The following ZFTA variants were observed in gnomAD, a reference collection of about 807,000 sequenced individuals.
The protein encoded by ZFTA is zinc finger translocation-associated protein.
Under a neutral mutation model 41.8 loss-of-function variants are expected in ZFTA, and 35 were observed. The ratio of observed to expected loss-of-function variants is 0.84; its 90% CI spans 0.64 to 1.11. The LOEUF is 1.11. Among genes scored for constraint, ZFTA ranks in the 50% most tolerant of loss-of-function variants. The pLI, the probability that ZFTA is intolerant of heterozygous loss-of-function variation, is 0.00. For missense variants in ZFTA, 964 were observed against 989.8 expected, an observed-to-expected ratio of 0.97 and a Z score of 0.35; for synonymous variants, 514 against 436.4, an observed-to-expected ratio of 1.18 and a Z score of -2.22.
chr11:63,760,972 A>T lies in ZFTA; in HGVS notation c.*2446T>A, dbSNP rs1031853508. ...TCTCTCTGCCTACGGAGGGGGGGGAATCTAACCCCTCTGCCCTGGCTTATC... is the reference window on the plus strand; with the variant it reads ...TCTCTCTGCCTACGGAGGGGGGGGATTCTAACCCCTCTGCCCTGGCTTATC... On this transcript the variant is annotated 3_prime_UTR_variant, in exon 5 of 5. Coordinates refer to ENST00000433688, the MANE Select transcript of ZFTA (RefSeq NM_001144936.2). 1 of 152,136 alleles carries T rather than the reference A, an allele frequency of 6.6e-6. No homozygotes were observed. Among genetic ancestry groups the T allele is most frequent in the Non-Finnish European group, 1.5e-5 (1 of 68,042 alleles). The allele number at this position is 152,136 out of a possible 1,614,324, so 9.4% of individuals were successfully genotyped here.
At chr11:63,767,673 G>C (rs528670841) in intron 1 of ZFTA, 1 of 152,212 alleles carries the variant, frequency 6.6e-6, no homozygotes, top group Non-Finnish European at 1.5e-5. Context: ...CTGGAGATTC[G>C]GGCAGAGTCT....
In ZFTA at chr11:63,760,548, A is replaced by G. The variant is rs896583971; in HGVS notation, c.*2870T>C. ...TATTGGCCATAATAGCAAGCATACC[A>G]TTAACAACAACAACAAAAAAAATCA... On this transcript the variant is annotated 3_prime_UTR_variant, in exon 5 of 5. Coordinates refer to ENST00000433688, the MANE Select transcript of ZFTA (RefSeq NM_001144936.2). 6.6e-6 allele frequency: 1 copy of G among 152,242 alleles called. No homozygotes were observed. Among genetic ancestry groups the G allele is most frequent in the African/African-American group, 2.4e-5 (1 of 41,448 alleles). 9.4% of individuals were successfully genotyped at this position (152,242 alleles called of 1,614,324 possible).
chr11:63,766,774 C>A (rs890470806), intron 1 of ZFTA, among the ~76,000 whole-genome samples: 2 of 152,188 alleles, frequency 1.3e-5, no homozygotes, highest in Non-Finnish European at 2.9e-5. Context: ...AGGGCCCCAC[C>A]CACAGGTCTT....
intron 1 of ZFTA, among the ~76,000 whole-genome samples, chr11:63,767,153 AT>A (rs2014758577): frequency 6.6e-6 from 1 of 152,112 alleles, no homozygotes; most frequent in African/African-American, 2.4e-5. Context: ...CACTAACCCA[AT>A]GGTGTTCCCT....
In ZFTA at chr11:63,768,646, C is replaced by CCGGGGCGGCGGGGCG. The variant is rs2014787909; in HGVS notation, c.-39_-25dup. Reference sequence around the variant, plus strand: ...ATGCGCTGCGCTGCGGAGCGGGGCCCCGGGGCGGCGGGGCGCGGGGCCGCG... The same window carrying CCGGGGCGGCGGGGCG: ...ATGCGCTGCGCTGCGGAGCGGGGCCCCGGGGCGGCGGGGCGCGGGGCGGCGGGGCGCGGGGCCGCG... On this transcript the variant is annotated 5_prime_UTR_variant, in exon 1 of 5. Transcript: ENST00000433688. 1 of 977,840 alleles carries CCGGGGCGGCGGGGCG rather than the reference C, an allele frequency of 1.0e-6. No homozygotes were observed. The highest frequency in any genetic ancestry group is 1.8e-5 in the African/African-American group (1 of 56,236). The allele number at this position is 977,840 out of a possible 1,614,324, so 60.6% of individuals were successfully genotyped here.
rs1053476067 is a variant in ZFTA at position 63,762,726 on chromosome 11, C to A, written c.*692G>T. The A allele has an allele frequency of 6.6e-6, 1 of 152,326 alleles. No homozygotes were observed. Among genetic ancestry groups the A allele is most frequent in the Non-Finnish European group, 1.5e-5 (1 of 68,162 alleles). 9.4% of individuals were successfully genotyped at this position (152,326 alleles called of 1,614,324 possible). The stretch of plus-strand genomic sequence containing the variant: ...GGGAGGAGAGTGGGGCCGCCGGGCG[C>A]ACGGTTCTCACTGAGCCTGCCGGGG... On this transcript the variant is annotated 3_prime_UTR_variant, in exon 5 of 5. Transcript: ENST00000433688.
intron 3 of ZFTA, 83 bp from the exon 4 acceptor site, chr11:63,764,681 C>T (rs1208296745): frequency 7.6e-7 from 1 of 1,307,554 alleles, no homozygotes; most frequent in Non-Finnish European, 9.7e-7. Context: ...ATCCTGGCTC[C>T]TCACCCCAGC....
At position 63,763,511 on chromosome 11, in the gene ZFTA, C is replaced by T. The variant is rs760643254; in HGVS notation, c.1944G>A (p.Leu648=). The change falls in exon 5 of 5, where the codon CTG becomes CTA. Residue 648 remains leucine (L), a synonymous_variant. Transcript: ENST00000433688. ...TILEAYEEAA[L]RCYGHEGFGP... ...CGAAGCCCTCGTGGCCGTAGCAGCG[C>T]AGCGCCGCCTCCTCGTAGGCCTCCA... 2.6e-6 allele frequency: 4 copies of T among 1,542,850 alleles called. No homozygotes were observed. Among genetic ancestry groups the T allele is most frequent in the Non-Finnish European group, 3.5e-6 (4 of 1,142,658 alleles).
intron 1 of ZFTA, chr11:63,767,588 G>T (rs969777226): frequency 1.3e-5 from 2 of 152,182 alleles, no homozygotes; most frequent in East Asian, 1.9e-4. Context: ...AGCCGAAAAA[G>T]GGGGAGGAGC....
Position 63,761,006 on chromosome 11 carries a change from G to C in ZFTA, c.*2412C>G, listed in dbSNP as rs1225055531. 4 of 152,100 alleles carry C rather than the reference G, an allele frequency of 2.6e-5. No homozygotes were observed. Among genetic ancestry groups the C allele is most frequent in the Non-Finnish European group, 5.9e-5 (4 of 68,040 alleles). 9.4% of individuals were successfully genotyped at this position (152,100 alleles called of 1,614,324 possible). A position where few individuals can be genotyped will look rare whatever the true frequency, so the allele number is the denominator to read the frequency against. On this transcript the variant is annotated 3_prime_UTR_variant, in exon 5 of 5. Coordinates refer to ENST00000433688, the MANE Select transcript of ZFTA (RefSeq NM_001144936.2). Reference sequence around the variant, plus strand: ...CTCTGCCCTGGCTTATCCGAACTTTGGCAGTGGGCTTGAGTGATTATAAAT... The same window carrying C: ...CTCTGCCCTGGCTTATCCGAACTTTCGCAGTGGGCTTGAGTGATTATAAAT...
chr11:63,766,189 C>T lies in ZFTA; in HGVS notation c.255G>A (p.Glu85=). Residue 85 remains glutamate (E), a synonymous_variant, in exon 2 of 5, where the codon GAG becomes GAA. Coordinates refer to ENST00000433688, the MANE Select transcript of ZFTA (RefSeq NM_001144936.2). ...SSGRKYSDHC[E]ARASRPGKSR... ...TCTTTCCAGGCCTCGAGGCCCGGGC[C>T]TCACAGTGGTCTGAATATTTCCTGC... is the stretch of plus-strand genomic sequence containing the variant. 1 of 1,529,554 alleles carries T rather than the reference C, an allele frequency of 6.5e-7. No individual in the cohort carries two copies. Among genetic ancestry groups the T allele is most frequent in the South Asian group, 1.2e-5 (1 of 80,600 alleles). The allele number at this position is 1,529,554 out of a possible 1,614,324, so 94.7% of individuals were successfully genotyped here.
In ZFTA at chr11:63,764,124, C is replaced by T; in HGVS notation, c.1499G>A (p.Gly500Asp). 2.2e-6 allele frequency: 3 copies of T among 1,347,022 alleles called. No individual in the cohort carries two copies. Among genetic ancestry groups the T allele is most frequent in the Middle Eastern group, 2.8e-4 (1 of 3,602 alleles). The allele number at this position is 1,347,022 out of a possible 1,614,324, so 83.4% of individuals were successfully genotyped here. A position where few individuals can be genotyped will look rare whatever the true frequency, so the allele number is the denominator to read the frequency against. The change falls in exon 4 of 5, where the codon GGC becomes GAC. Residue 500 changes from glycine to aspartate, a missense_variant. Around this residue, in one of 5 missense-constraint regions of ZFTA, gnomAD observed 584 missense variants for 523.1 expected, o/e 1.12. Coordinates refer to ENST00000433688, the MANE Select transcript of ZFTA (RefSeq NM_001144936.2). ...LGPPRPESPQ[G>D]PIPPGTAAAS... ...TGCGGCAGTGCCGGGGGGGATGGGG[C>T]CCTGGGGGGACTCGGGGCGGGGCGG...
In ZFTA at chr11:63,763,459, C is replaced by T. The variant is rs1011874663; in HGVS notation, c.1996G>A (p.Gly666Ser). 1.4e-6 allele frequency: 2 copies of T among 1,455,674 alleles called. No homozygotes were observed. Among genetic ancestry groups the T allele is most frequent in the African/African-American group, 3.0e-5 (2 of 67,026 alleles). 90.2% of individuals were successfully genotyped at this position (1,455,674 alleles called of 1,614,324 possible). ...GCGCCAGACTTGAGGTCCGCGCCGC[C>T]GTCACGCGGCGCCGGGGCGGGCGGC... The part of the protein sequence containing the change: ...FGPPAPAPRD[G>S]GADLKSGAVC... The change falls in exon 5 of 5, where the codon GGC becomes AGC. Residue 666 changes from glycine to serine, a missense_variant. Physicochemically the swap from Gly to Ser is moderately conservative, Grantham distance 56. Around this residue, in one of 5 missense-constraint regions of ZFTA, gnomAD observed 65 missense variants for 58.9 expected, o/e 1.10. Transcript: ENST00000433688.
At position 63,765,047 on chromosome 11, in the gene ZFTA, C is replaced by A; in HGVS notation, c.845G>T (p.Arg282Leu). 6.5e-7 allele frequency: 1 copy of A among 1,548,822 alleles called. No homozygotes were observed. Among genetic ancestry groups the A allele is most frequent in the Non-Finnish European group, 8.7e-7 (1 of 1,146,410 alleles). Residue 282 changes from arginine to leucine, a missense_variant, in exon 3 of 5, where the codon CGG becomes CTG. Arg to Leu is a moderately radical substitution (Grantham distance 102). Coordinates refer to ENST00000433688, the MANE Select transcript of ZFTA (RefSeq NM_001144936.2). This position sits in a 1 kb window ranked among gnomAD's most constrained non-coding sequence, Gnocchi z 4.0. ...CLMDYDPRGNRLVCMACGRAL... is the reference protein window; with the variant it reads ...CLMDYDPRGNLLVCMACGRAL... ...CCGGCCACAGGCCATGCACACCAGC[C>A]GGTTCCCCCGCGGGTCATAGTCCAT...
At position 63,763,782 on chromosome 11, in the gene ZFTA, A is replaced by C. The variant is rs1228964264; in HGVS notation, c.1673T>G (p.Leu558Arg). ...GGGAGGAGGCGGCGGCGGCAAGGCG[A>C]GTCCCCCAGGCTCCTGGCCGTCCTC... The part of the protein sequence containing the change: ...DEEDGQEPGG[L>R]ALPPPPPPPP... Residue 558 changes from leucine to arginine, a missense_variant, in exon 5 of 5, where the codon CTC (leucine) becomes CGC (arginine). Coordinates refer to ENST00000433688, the MANE Select transcript of ZFTA (RefSeq NM_001144936.2). The C allele has an allele frequency of 6.8e-7, 1 of 1,460,380 alleles. No individual in the cohort carries two copies. The highest frequency in any genetic ancestry group is 9.0e-7 in the Non-Finnish European group (1 of 1,108,150). The allele number at this position is 1,460,380 out of a possible 1,614,324, so 90.5% of individuals were successfully genotyped here. A position where few individuals can be genotyped will look rare whatever the true frequency, so the allele number is the denominator to read the frequency against.
In ZFTA at chr11:63,761,821, T is replaced by TGGGGGTC. The variant is rs2014643281; in HGVS notation, c.*1596_*1597insGACCCCC. The TGGGGGTC allele has an allele frequency of 6.6e-6, 1 of 152,288 alleles. No homozygotes were observed. The highest frequency in any genetic ancestry group is 6.5e-5 in the Admixed American group (1 of 15,290). 9.4% of individuals were successfully genotyped at this position (152,288 alleles called of 1,614,324 possible). ...GACTGGGCCTGAGGCACTTGAACCT[T>TGGGGGTC]AGGCTCTGGCCTGGGGGTCAGGGAT... is the stretch of plus-strand genomic sequence containing the variant. On this transcript the variant is annotated 3_prime_UTR_variant, in exon 5 of 5. Transcript: ENST00000433688.
chr11:63,768,150 A>T (rs2014776631), intron 1 of ZFTA, among the ~76,000 whole-genome samples: 1 of 152,002 alleles, frequency 6.6e-6, no homozygotes, highest in Non-Finnish European at 1.5e-5. Flanking sequence ...GGAGTCTGAA[A>T]GAGAAAGGGG....
Position 63,764,922 on chromosome 11 carries a change from G to A in ZFTA, c.970C>T (p.Gln324Ter). The stretch of plus-strand genomic sequence containing the variant: ...GCCTCGGGCTGGCCCCCCCAGGCCT[G>A]CAGCAGGGCACTGCGCTGGGGGCCG... ...LSGPQRSALL[Q>*]AWGGQPEALS... The change falls in exon 3 of 5, where the codon CAG (glutamine) becomes TAG (stop). Residue 324 changes from glutamine (Q) to a stop codon, truncating the protein, a stop_gained. Transcript: ENST00000433688. LOFTEE classifies it high-confidence loss of function. 1 of 1,541,898 alleles carries A rather than the reference G, an allele frequency of 6.5e-7. No individual in the cohort carries two copies. The highest frequency in any genetic ancestry group is 8.7e-7 in the Non-Finnish European group (1 of 1,144,244).
At position 63,763,541 on chromosome 11, in the gene ZFTA, A is replaced by G. The variant is rs2014687614; in HGVS notation, c.1914T>C (p.Thr638=). 2.6e-6 allele frequency: 4 copies of G among 1,546,732 alleles called. No homozygotes were observed. The East Asian group carries it at 9.9e-5, about 38-fold the overall frequency. Residue 638 remains threonine, a synonymous_variant, in exon 5 of 5, where the codon ACT becomes ACC. Transcript: ENST00000433688. ...CCGCCTCCTCGTAGGCCTCCAGGAT[A>G]GTCTGGCGCTCCTCAGGCGTGAAGT... ...SMDFTPEERQ[T]ILEAYEEAAL...
Sources: gnomAD v4.1 joint callset for allele counts (sites outside exome capture counted in the v4.1 genomes callset) on GRCh38, gnomAD v4.1.1 for gene constraint, gnomAD v4.1.1 regional missense constraint, Gnocchi (gnomAD v3.1) non-coding constraint, MANE v1.5 for transcripts, NCBI Gene and HGNC (gene_info 2026-07-23, HGNC 2026-07-21) for gene names.